WDR19: variants seen among roughly 807,000 people sequenced by gnomAD.
The protein encoded by WDR19 is WD repeat-containing protein 19.
In WDR19, 121 loss-of-function variants were observed where a neutral mutation model predicts 180.0. That is an observed-to-expected ratio of 0.67 (90% CI 0.58 to 0.78). The LOEUF is 0.78. Among genes scored for constraint, WDR19 ranks in the 30% least tolerant of loss-of-function variants. The pLI is 0.00. For missense variants in WDR19, 1,450 were observed against 1,640.7 expected (o/e 0.88, Z 2.01); for synonymous variants, 497 against 540.7 (o/e 0.92, Z 1.12).
At chr4:39,225,118 T>G (rs867597263) in intron 15 of WDR19, 85 bp downstream of exon 15, 5 of 1,085,724 alleles carry the variant, frequency 4.6e-6, no homozygotes, top group South Asian at 2.5e-5. Flanking sequence ...CATGTAAAAT[T>G]TTCTATTAAT....
chr4:39,204,195 C>T (rs767286195), intron 7 of WDR19, among the ~76,000 whole-genome samples: 2 of 151,924 alleles, frequency 1.3e-5, no homozygotes, highest in African/African-American at 2.4e-5. Context: ...AAGCGATTCT[C>T]CTGCCTCAGC....
chr4:39,220,507 C>A (rs925919958), intron 14 of WDR19, among the ~76,000 whole-genome samples: 2 of 120,934 alleles, frequency 1.7e-5, no homozygotes, highest in African/African-American at 3.1e-5. Context: ...AATTATTTTT[C>A]TTTTTTCTCT....
At chr4:39,209,702 A>C (rs1477865441) in intron 9 of WDR19, among the ~76,000 whole-genome samples, 3 of 125,224 alleles carry the variant, frequency 2.4e-5, no homozygotes, top group Non-Finnish European at 3.4e-5. Flanking sequence ...ACAGAGCGAG[A>C]CTCTGTCTCA....
intron 4 of WDR19, among the ~76,000 whole-genome samples, chr4:39,190,369 G>A (rs1726024483): frequency 1.3e-5 from 2 of 152,062 alleles, no homozygotes; most frequent in Non-Finnish European, 2.9e-5. Flanking sequence ...AAAAATCTTG[G>A]GCAGACAGAA....
At position 39,185,783 on chromosome 4, in the gene WDR19, CA is replaced by C; in HGVS notation, c.70del (p.Thr24HisfsTer8). On this transcript the variant is annotated frameshift_variant, in exon 2 of 37. Coordinates refer to ENST00000399820, the MANE Select transcript of WDR19 (RefSeq NM_025132.4). LOFTEE classifies it high-confidence loss of function. The part of the protein sequence containing the change: ...WLGAPIQFAW[Q>X]KTSGNYLAVT... ...TGGCGCACCAATACAGTTTGCCTGGCAAAAAACATCAGGAAACTACCTTGCA... is the reference window on the plus strand; with the variant it reads ...TGGCGCACCAATACAGTTTGCCTGGCAAAAACATCAGGAAACTACCTTGCA... 6.4e-7 allele frequency: 1 copy of C among 1,556,084 alleles called. No individual in the cohort carries two copies. The highest frequency in any genetic ancestry group is 8.7e-7 in the Non-Finnish European group (1 of 1,149,252).
chr4:39,214,818 G>A (rs1191046113), intron 10 of WDR19, 147 bp downstream of exon 10: 1 of 551,224 alleles, frequency 1.8e-6, no homozygotes. Flanking sequence ...TGTAGCCCTG[G>A]ATGGAATGCA....
intron 24 of WDR19, among the ~76,000 whole-genome samples, chr4:39,247,238 C>G (rs1433581549): frequency 1.3e-5 from 2 of 152,186 alleles, no homozygotes; most frequent in East Asian, 3.9e-4. Flanking sequence ...GATACCCAGG[C>G]AAACAGGGTC....
intron 31 of WDR19, among the ~76,000 whole-genome samples, chr4:39,270,895 A>AT (rs33964549): frequency 0.49 from 67,456 of 136,730 alleles, 18,656 homozygotes; most frequent in East Asian, 0.62. Context: ...ATAGAAAAGA[A>AT]TTTTTTTTTT....
chr4:39,218,186 C>T, intron 14 of WDR19, 81 bp downstream of exon 14: 1 of 1,489,032 alleles, frequency 6.7e-7, no homozygotes, highest in Non-Finnish European at 9.1e-7. Flanking sequence ...CTTTTCCTAC[C>T]AGTCTTTTTT....
At chr4:39,218,255 T>A in intron 14 of WDR19, 150 bp downstream of exon 14, 7 of 1,019,744 alleles carry the variant, frequency 6.9e-6, no homozygotes, top group Non-Finnish European at 9.9e-6. Flanking sequence ...TACATTCATG[T>A]GTCTCTTTGC....
At chr4:39,284,148 A>ATGTCT (rs1213600511) in intron 36 of WDR19, among the ~76,000 whole-genome samples, 1 of 117,468 alleles carries the variant, frequency 8.5e-6, no homozygotes, top group Non-Finnish European at 1.7e-5. Context: ...TATTTCTTCA[A>ATGTCT]TCACTTTTTC....
Position 39,246,715 on chromosome 4 carries a change from C to A in WDR19, c.2729+1263C>A, listed in dbSNP as rs375252686. On this transcript the variant is annotated intron_variant, in intron 24 of 36. Coordinates refer to ENST00000399820, the MANE Select transcript of WDR19 (RefSeq NM_025132.4). ...CACACCAGGAGATTATATCCTGCAC[C>A]TGACTCAGAGGGTCCTACACCCACG... Among the ~76,000 whole-genome samples, 15 of 152,228 alleles carry A rather than the reference C, an allele frequency of 9.9e-5. No homozygotes were observed. The East Asian group carries it at 2.5e-3, about 25-fold the overall frequency.
intron 26 of WDR19, 46 bp from the exon 27 acceptor site, chr4:39,255,802 A>C (rs1402655348): frequency 6.2e-6 from 7 of 1,135,418 alleles, no homozygotes; most frequent in Non-Finnish European, 8.5e-6. Flanking sequence ...AATAAAAGGT[A>C]AACAAATTTT....
chr4:39,224,761 C>T (rs1730067990), intron 14 of WDR19, 123 bp from the exon 15 acceptor site: 1 of 860,540 alleles, frequency 1.2e-6, no homozygotes, highest in South Asian at 2.1e-5. Context: ...TTCTTAGATA[C>T]TTCATCAAAA....
chr4:39,272,193 T>G (rs1370694692), intron 31 of WDR19, among the ~76,000 whole-genome samples: 2 of 152,142 alleles, frequency 1.3e-5, no homozygotes, highest in African/African-American at 4.8e-5. Flanking sequence ...AATGGAGTCT[T>G]TAGGAGTGCA....
intron 15 of WDR19, among the ~76,000 whole-genome samples, chr4:39,226,016 A>C (rs1331680124): frequency 6.6e-6 from 1 of 152,200 alleles, no homozygotes; most frequent in Non-Finnish European, 1.5e-5. Context: ...ATAAACCTCG[A>C]GTTTCCTCTA....
intron 20 of WDR19, among the ~76,000 whole-genome samples, chr4:39,235,237 C>G (rs1436923159): frequency 6.6e-6 from 1 of 152,024 alleles, no homozygotes; most frequent in Admixed American, 6.6e-5. Context: ...CGTGATCCTC[C>G]CTTCTCAGCT....
At chr4:39,281,236 T>TATATATATATAGAGAGAGAGAGAGAGAG in intron 36 of WDR19, among the ~76,000 whole-genome samples, 1 of 104,042 alleles carries the variant, frequency 9.6e-6, no homozygotes, top group African/African-American at 5.2e-5. Context: ...TATATATATA[T>TATATATATATAGAGAGAGAGAGAGAGAG]AGAGAGAGAG....
At chr4:39,275,279 G>T (rs1240529704) in intron 33 of WDR19, 1 of 344,162 alleles carries the variant, frequency 2.9e-6, no homozygotes, top group Non-Finnish European at 5.7e-6. Flanking sequence ...GGCAGAGGTT[G>T]CAGTGAGCCG....
Sources: allele counts gnomAD v4.1 joint callset (sites outside exome capture counted in the v4.1 genomes callset), GRCh38; gene constraint gnomAD v4.1.1; transcripts MANE v1.5; gene names NCBI Gene and HGNC (gene_info 2026-07-23, HGNC 2026-07-21).